The following PTPRO variants were observed in gnomAD, a reference collection of about 807,000 sequenced individuals.
PTPRO encodes the protein receptor-type tyrosine-protein phosphatase O.
PTPRO carries 62 observed loss-of-function variants against 145.2 expected under a neutral mutation model. The observed-to-expected ratio is 0.43, with a 90% CI of 0.35 to 0.53. The LOEUF is 0.53. Among genes scored for constraint, PTPRO ranks in the 20% least tolerant of loss-of-function variants. The pLI is 0.01. For missense variants in PTPRO, 1,345 were observed against 1,482.7 expected, an observed-to-expected ratio of 0.91 and a Z score of 1.53; for synonymous variants, 565 against 514.7, an observed-to-expected ratio of 1.10 and a Z score of -1.32.
At chr12:15,462,749 G>T (rs1941333779) in intron 1 of PTPRO, among the ~76,000 whole-genome samples, 1 of 151,968 alleles carries the variant, frequency 6.6e-6, no homozygotes, top group African/African-American at 2.4e-5. Context: ...GAAATTCCTG[G>T]CATATATTAT....
chr12:15,479,922 G>T (rs1941742720), intron 1 of PTPRO, among the ~76,000 whole-genome samples: 1 of 152,142 alleles, frequency 6.6e-6, no homozygotes, highest in Non-Finnish European at 1.5e-5. Context: ...TGAGCCAAGG[G>T]GTCTTCCCTC....
Position 15,419,782 on chromosome 12 carries a change from A to G in PTPRO, c.76-64192A>G, listed in dbSNP as rs1351426574. On this transcript the variant is annotated intron_variant, in intron 1 of 26. Transcript: ENST00000281171. Reference sequence around the variant, plus strand: ...TAGAGGTAATCCAACATTAGACAGAATTTGTCGAGATTACTAGATGTACAT... The same window carrying G: ...TAGAGGTAATCCAACATTAGACAGAGTTTGTCGAGATTACTAGATGTACAT... 2.0e-5 allele frequency among the ~76,000 whole-genome samples: 3 copies of G among 151,614 alleles called. No individual in the cohort carries two copies. The South Asian group carries it at 6.2e-4, about 31-fold the overall frequency.
chr12:15,465,202 A>G (rs1260231306), intron 1 of PTPRO, among the ~76,000 whole-genome samples: 1 of 152,232 alleles, frequency 6.6e-6, no homozygotes, highest in Admixed American at 6.5e-5. Context: ...AGCTTCATTT[A>G]TAAAACATAA....
rs533890246 is a variant in PTPRO, at chr12:15,366,305, A to T, written c.75+43504A>T. 3.3e-5 allele frequency among the ~76,000 whole-genome samples: 5 copies of T among 152,228 alleles called. No individual in the cohort carries two copies. In the East Asian group the frequency reaches 9.6e-4, roughly 29 times the overall value. ...TGTTTGTCTTTTTCTGAACTTTTAC[A>T]ATGACATTTAATACTTAAGTTACCA... On this transcript the variant is annotated intron_variant, in intron 1 of 26. Coordinates refer to ENST00000281171, the MANE Select transcript of PTPRO (RefSeq NM_030667.3).
intron 1 of PTPRO, among the ~76,000 whole-genome samples, chr12:15,326,160 G>A (rs901404592): frequency 1.3e-5 from 2 of 152,038 alleles, no homozygotes; most frequent in Non-Finnish European, 1.5e-5. Flanking sequence ...TTCACTTTTC[G>A]TGGTTGAGGT....
intron 1 of PTPRO, among the ~76,000 whole-genome samples, chr12:15,476,234 G>A (rs763489777): frequency 7.9e-5 from 12 of 152,090 alleles, no homozygotes; most frequent in Non-Finnish European, 1.5e-4. Context: ...AGATGATGAG[G>A]CAGGAGATGT....
In PTPRO at chr12:15,503,911, A is replaced by G; in HGVS notation, c.1109A>G (p.Asn370Ser). 1 of 1,569,752 alleles carries G rather than the reference A, an allele frequency of 6.4e-7. No individual in the cohort carries two copies. Among genetic ancestry groups the G allele is most frequent in the Non-Finnish European group, 8.8e-7 (1 of 1,140,384 alleles). ...CTCTTTTTTATATATGATTTAGAGA[A>G]CTTTACTGAATATTTGATGGTGGAT... ...GFHIHIEREE[N>S]FTEYLMVDEE... The change falls in exon 6 of 27, where the codon AAC (asparagine) becomes AGC (serine). Residue 370 changes from asparagine to serine, a missense_variant. By Grantham distance (46) the Asn-to-Ser change is conservative (BLOSUM62 1). This residue lies in a region of PTPRO where 1,130 missense variants were observed against 1,214.7 expected (regional missense o/e 0.93). Coordinates refer to ENST00000281171, the MANE Select transcript of PTPRO (RefSeq NM_030667.3).
chr12:15,345,073 T>C (rs1867151458), intron 1 of PTPRO, among the ~76,000 whole-genome samples: 1 of 152,202 alleles, frequency 6.6e-6, no homozygotes, highest in African/African-American at 2.4e-5. Context: ...CTTTTATAAC[T>C]TACACTTTAC....
chr12:15,338,292 T>C (rs1243180677), intron 1 of PTPRO, among the ~76,000 whole-genome samples: 1 of 152,118 alleles, frequency 6.6e-6, no homozygotes, highest in Admixed American at 6.5e-5. Flanking sequence ...GTTTTTTGTA[T>C]GTGTGTGTGG....
At chr12:15,508,199 T>C (rs1011524831) in intron 6 of PTPRO, among the ~76,000 whole-genome samples, 47 of 152,160 alleles carry the variant, frequency 3.1e-4, no homozygotes, top group African/African-American at 1.1e-3. Context: ...TTCCTAGAGA[T>C]CAAAGATCCT....
intron 1 of PTPRO, among the ~76,000 whole-genome samples, chr12:15,420,419 C>A (rs2136326340): frequency 6.6e-6 from 1 of 151,578 alleles, no homozygotes; most frequent in East Asian, 1.9e-4. Context: ...TGCATTTTAC[C>A]AAGATTCTCC....
At chr12:15,330,017 C>T (rs970256516) in intron 1 of PTPRO, among the ~76,000 whole-genome samples, 2 of 152,168 alleles carry the variant, frequency 1.3e-5, no homozygotes, top group African/African-American at 4.8e-5. Context: ...AATGAAGCCA[C>T]AGGAGCCAGA....
chr12:15,559,081 T>C (rs1943710451), intron 16 of PTPRO, among the ~76,000 whole-genome samples: 1 of 152,170 alleles, frequency 6.6e-6, no homozygotes, highest in South Asian at 2.1e-4. Flanking sequence ...AGATCAGTGA[T>C]GAGTGGCCCA....
intron 1 of PTPRO, among the ~76,000 whole-genome samples, chr12:15,378,059 T>C (rs1201758965): frequency 6.6e-6 from 1 of 151,898 alleles, no homozygotes; most frequent in East Asian, 1.9e-4. Flanking sequence ...CTTAAAACAA[T>C]AGCCTAATCT....
At position 15,566,375 on chromosome 12, in the gene PTPRO, T is replaced by C. The variant is rs190952655; in HGVS notation, c.2747+747T>C. ...CATCTATGCTTATGGAAAGAAATCATGAGTAATCCATGACATAATCCAAAA... is the reference window on the plus strand; with the variant it reads ...CATCTATGCTTATGGAAAGAAATCACGAGTAATCCATGACATAATCCAAAA... On this transcript the variant is annotated intron_variant, in intron 18 of 26. Transcript: ENST00000281171. Among the ~76,000 whole-genome samples the C allele has an allele frequency of 6.6e-5, 10 of 152,298 alleles. No homozygotes were observed. In the East Asian group the frequency reaches 1.5e-3, roughly 24 times the overall value.
At chr12:15,528,207 G>T (rs1456064723) in intron 12 of PTPRO, among the ~76,000 whole-genome samples, 2 of 151,560 alleles carry the variant, frequency 1.3e-5, no homozygotes, top group Non-Finnish European at 2.9e-5. Context: ...AGTAAGTGAA[G>T]TCTGACTATA....
intron 1 of PTPRO, among the ~76,000 whole-genome samples, chr12:15,414,573 T>C (rs566696277): frequency 6.6e-6 from 1 of 152,374 alleles, no homozygotes; most frequent in Admixed American, 6.5e-5. Context: ...AGGTGTGCCC[T>C]TTCTGTTGAG....
intron 1 of PTPRO, among the ~76,000 whole-genome samples, chr12:15,347,775 A>G (rs1867277641): frequency 1.3e-5 from 2 of 152,238 alleles, no homozygotes; most frequent in African/African-American, 4.8e-5. Flanking sequence ...GTCATAGAAA[A>G]TTCATCTGGT....
At chr12:15,393,587 T>A (rs539264462) in intron 1 of PTPRO, among the ~76,000 whole-genome samples, 1 of 152,224 alleles carries the variant, frequency 6.6e-6, no homozygotes, top group Non-Finnish European at 1.5e-5. Flanking sequence ...GTTCCATAAT[T>A]CTCTGTTATA....
Sources: gnomAD v4.1 joint callset for allele counts (sites outside exome capture counted in the v4.1 genomes callset) on GRCh38, gnomAD v4.1.1 for gene constraint, gnomAD v4.1.1 regional missense constraint, MANE v1.5 for transcripts, NCBI Gene and HGNC (gene_info 2026-07-23, HGNC 2026-07-21) for gene names.